Variants in C10orf90 observed in about 807,000 individuals in gnomAD.
C10orf90 encodes the protein (E2-independent) E3 ubiquitin-conjugating enzyme FATS.
In C10orf90, 56 loss-of-function variants were observed where a neutral mutation model predicts 62.5. The ratio of observed to expected loss-of-function variants is 0.90; its 90% confidence interval spans 0.72 to 1.12. The LOEUF is 1.12. Among genes scored for constraint, C10orf90 ranks in the 50% most tolerant of loss-of-function variants. The pLI, the probability that C10orf90 is intolerant of heterozygous loss-of-function variation, is 0.00. For missense variants in C10orf90, 970 were observed against 880.4 expected, an observed-to-expected ratio of 1.10 and a Z score of -1.29; for synonymous variants, 386 against 340.4, an observed-to-expected ratio of 1.13 and a Z score of -1.47.
At chr10:126,470,870 T>TTC (rs1385849334) in intron 4 of C10orf90, among the ~76,000 whole-genome samples, 3 of 73,966 alleles carry the variant, frequency 4.1e-5, no homozygotes, top group Non-Finnish European at 2.9e-5. Flanking sequence ...TTTTCTCTGC[T>TTC]TTTTTTTCTG....
chr10:126,618,869 T>C (rs1845592276), intron 2 of C10orf90, among the ~76,000 whole-genome samples: 1 of 152,110 alleles, frequency 6.6e-6, no homozygotes. Context: ...AGCATACAGT[T>C]TCAAAAGCAT....
intron 1 of C10orf90, among the ~76,000 whole-genome samples, chr10:126,664,888 G>A (rs1451489223): frequency 6.6e-6 from 1 of 152,232 alleles, no homozygotes; most frequent in Non-Finnish European, 1.5e-5. Flanking sequence ...CCAGTTGACA[G>A]GTGCAGGGAG....
At chr10:126,509,857 G>A (rs1862992895) in intron 3 of C10orf90, among the ~76,000 whole-genome samples, 1 of 152,148 alleles carries the variant, frequency 6.6e-6, no homozygotes, top group Non-Finnish European at 1.5e-5. Context: ...AAATCTATAT[G>A]AGTTTGCCAG....
chr10:126,579,194 C>T (rs1361802003), intron 2 of C10orf90, among the ~76,000 whole-genome samples: 1 of 151,930 alleles, frequency 6.6e-6, no homozygotes, highest in Non-Finnish European at 1.5e-5. Context: ...TCAGCCTTAT[C>T]AATCATTTAC....
chr10:126,429,711 T>G, intron 8 of C10orf90, 76 bp downstream of exon 8: 1 of 1,207,054 alleles, frequency 8.3e-7, no homozygotes, highest in Non-Finnish European at 1.2e-6. Flanking sequence ...GTGGTCCCAT[T>G]GGAGGGCACC....
rs188906621 is a variant in C10orf90, at chr10:126,597,558, T to A, written c.313+49007A>T. Among the ~76,000 whole-genome samples, 82 of 152,188 alleles carry A rather than the reference T, an allele frequency of 5.4e-4. 3 individuals are homozygous for A. Among genetic ancestry groups the A allele is most frequent in the African/African-American group, 1.7e-3 (72 of 41,514 alleles). On this transcript the variant is annotated intron_variant, in intron 2 of 9. Coordinates refer to ENST00000488181, the MANE Select transcript of C10orf90 (RefSeq NM_001350921.2). ...CAGCTTTGCATTTTAAAAAGACAAT[T>A]GGATGCTGGCAATAGAATGAACAGT...
At chr10:126,563,823 G>A (rs1844228696) in intron 2 of C10orf90, among the ~76,000 whole-genome samples, 1 of 152,166 alleles carries the variant, frequency 6.6e-6, no homozygotes, top group Non-Finnish European at 1.5e-5. Context: ...CACCGACCGA[G>A]GATCAGCCAG....
At chr10:126,602,471 A>G (rs1001459440) in intron 2 of C10orf90, among the ~76,000 whole-genome samples, 4 of 152,182 alleles carry the variant, frequency 2.6e-5, no homozygotes, top group South Asian at 4.1e-4. Flanking sequence ...CTTGGTATCA[A>G]TCATAACAGG....
intron 2 of C10orf90, among the ~76,000 whole-genome samples, chr10:126,637,166 G>A (rs1845968188): frequency 6.6e-6 from 1 of 152,192 alleles, no homozygotes. Context: ...ACCAGGAGGA[G>A]ACAGACTGAT....
At chr10:126,625,742 G>A (rs1845729319) in intron 2 of C10orf90, among the ~76,000 whole-genome samples, 1 of 152,154 alleles carries the variant, frequency 6.6e-6, no homozygotes, top group Non-Finnish European at 1.5e-5. Flanking sequence ...ATTCCTTTAT[G>A]TCATTCATTG....
chr10:126,447,223 A>G (rs1858839974), intron 7 of C10orf90, among the ~76,000 whole-genome samples: 3 of 151,984 alleles, frequency 2.0e-5, no homozygotes, highest in Admixed American at 2.0e-4. Context: ...TCAAAAAAGC[A>G]TATATACTGA....
In C10orf90 at chr10:126,504,287, C is replaced by A; in HGVS notation, c.1204G>T (p.Gly402Ter). The part of the protein sequence containing the change: ...NCSSHRLTAD[G>*]VDGLVNREPI... ...TCTCTGTTCACTAGGCCATCTACTCCATCTGCTGTTAATCTGTGGGAACTA... is the reference window on the plus strand; with the variant it reads ...TCTCTGTTCACTAGGCCATCTACTCAATCTGCTGTTAATCTGTGGGAACTA... The change falls in exon 4 of 10, where the codon GGA becomes TGA. Residue 402 changes from glycine (G) to a stop codon, truncating the protein, a stop_gained. Coordinates refer to ENST00000488181, the MANE Select transcript of C10orf90 (RefSeq NM_001350921.2). LOFTEE classifies it high-confidence loss of function. The surrounding 1 kb of genome is among the most constrained non-coding windows in gnomAD (Gnocchi z 4.1). 6.2e-7 allele frequency: 1 copy of A among 1,614,200 alleles called. No individual in the cohort carries two copies. Among genetic ancestry groups the A allele is most frequent in the South Asian group, 1.1e-5 (1 of 91,088 alleles).
chr10:126,485,687 T>A (rs947048170), intron 4 of C10orf90, among the ~76,000 whole-genome samples: 2 of 151,896 alleles, frequency 1.3e-5, no homozygotes, highest in African/African-American at 4.8e-5. Context: ...AAGCCTGTAA[T>A]CCCAGCATTT....
intron 2 of C10orf90, among the ~76,000 whole-genome samples, chr10:126,517,563 T>A (rs1036616576): frequency 1.3e-5 from 2 of 152,104 alleles, no homozygotes; most frequent in African/African-American, 4.8e-5. Flanking sequence ...GCTCATAGCT[T>A]CACTCTGAGA....
At chr10:126,490,003 A>G (rs1861641191) in intron 4 of C10orf90, among the ~76,000 whole-genome samples, 1 of 93,186 alleles carries the variant, frequency 1.1e-5, no homozygotes, top group South Asian at 3.3e-4. Flanking sequence ...TATATTATAT[A>G]TTATATATAT....
chr10:126,427,167 A>G (rs1218602245), intron 8 of C10orf90, among the ~76,000 whole-genome samples: 1 of 152,208 alleles, frequency 6.6e-6, no homozygotes, highest in East Asian at 1.9e-4. Flanking sequence ...AGTGCCTAGC[A>G]CTCTGTAGGC....
intron 2 of C10orf90, among the ~76,000 whole-genome samples, chr10:126,584,727 C>A (rs1844825759): frequency 6.6e-6 from 1 of 152,180 alleles, no homozygotes; most frequent in African/African-American, 2.4e-5. Context: ...ATTTCTGGAA[C>A]TTGGAGGTTG....
intron 3 of C10orf90, chr10:126,512,264 GAGAGAGAGAGAA>G (rs935705111): frequency 8.1e-5 from 3 of 37,042 alleles, no homozygotes; most frequent in Non-Finnish European, 1.6e-4. Context: ...AAAGGGGCGA[GAGAGAGAGAGAA>G]AGAGAGACAG....
At chr10:126,513,507 A>G (rs1316434677) in intron 3 of C10orf90, among the ~76,000 whole-genome samples, 1 of 152,178 alleles carries the variant, frequency 6.6e-6, no homozygotes, top group Non-Finnish European at 1.5e-5. Context: ...TGCAGTTCTA[A>G]CAACCTATAC....
Sources: gnomAD v4.1 joint callset for allele counts (sites outside exome capture counted in the v4.1 genomes callset) on GRCh38, gnomAD v4.1.1 for gene constraint, Gnocchi (gnomAD v3.1) non-coding constraint, MANE v1.5 for transcripts, NCBI Gene and HGNC (gene_info 2026-07-23, HGNC 2026-07-21) for gene names.